The following UNK variants were observed in gnomAD, a reference collection of about 807,000 sequenced individuals.
UNK encodes unk zinc finger, also known as RING finger protein unkempt homolog.
Under a neutral mutation model 97.6 loss-of-function variants are expected in UNK, and 32 were observed. The observed-to-expected ratio is 0.33, with a 90% CI of 0.25 to 0.44. The LOEUF is 0.44. Ranked by LOEUF, UNK falls within the 20% of genes least tolerant of loss-of-function variation. The pLI, the probability that UNK is intolerant of heterozygous loss-of-function variation, is 1.00. For missense variants in UNK, 771 were observed against 1,098.4 expected (o/e 0.70, Z 4.21); for synonymous variants, 441 against 461.2 (o/e 0.96, Z 0.56).
At chr17:75,821,071 G>GTTTTT in intron 13 of UNK, among the ~76,000 whole-genome samples, 1 of 148,202 alleles carries the variant, frequency 6.7e-6, no homozygotes. Flanking sequence ...TTTTCGAGTA[G>GTTTTT]GGTCTCAGTC....
At chr17:75,814,517 GA>G (rs922647757) in intron 6 of UNK, among the ~76,000 whole-genome samples, 1 of 136,780 alleles carries the variant, frequency 7.3e-6, no homozygotes, top group Non-Finnish European at 1.6e-5. Flanking sequence ...AAAAAGGATT[GA>G]AAAAAAGTAA....
intron 1 of UNK, chr17:75,792,566 T>C: frequency 1.2e-6 from 1 of 815,180 alleles, no homozygotes; most frequent in Non-Finnish European, 1.5e-6. Flanking sequence ...TTACTATCCC[T>C]CTGGACAATG....
rs1342519088 is a variant in UNK at position 75,824,113 on chromosome 17, C to T, written c.2278-149C>T. On this transcript the variant is annotated intron_variant, in intron 15 of 15. Coordinates refer to ENST00000589666, the MANE Select transcript of UNK (RefSeq NM_001080419.3). The surrounding 1 kb of genome is among the most constrained non-coding windows in gnomAD (Gnocchi z 4.9). ...CAGAGGTGGACTCAGCCTGCTCTCT[C>T]ACCTGCCAACAGGGGTCTGGGAGCA... 3 of 985,638 alleles carry T rather than the reference C, an allele frequency of 3.0e-6. No homozygotes were observed. Among genetic ancestry groups the T allele is most frequent in the Non-Finnish European group, 4.2e-6 (3 of 713,350 alleles). The allele number at this position is 985,638 out of a possible 1,614,324, so 61.1% of individuals were successfully genotyped here. A position where few individuals can be genotyped will look rare whatever the true frequency, so the allele number is the denominator to read the frequency against.
intron 1 of UNK, among the ~76,000 whole-genome samples, chr17:75,795,209 C>G (rs2061795195): frequency 1.3e-5 from 2 of 152,016 alleles, no homozygotes; most frequent in African/African-American, 4.8e-5. Flanking sequence ...GTACAGAAAA[C>G]AATGTACAAA....
intron 1 of UNK, among the ~76,000 whole-genome samples, chr17:75,799,111 G>A (rs1270832703): frequency 6.6e-6 from 1 of 151,484 alleles, no homozygotes; most frequent in African/African-American, 2.4e-5. Context: ...AGGAGTTTGA[G>A]AGCAGCCTGG....
In UNK at chr17:75,819,443, C is replaced by G; in HGVS notation, c.1547-241C>G. The G allele has an allele frequency of 1.8e-6, 1 of 558,474 alleles. No individual in the cohort carries two copies. The highest frequency in any genetic ancestry group is 3.1e-5 in the East Asian group (1 of 32,662). 34.6% of individuals were successfully genotyped at this position (558,474 alleles called of 1,614,324 possible). Reference sequence around the variant, plus strand: ...GACCCTGGATGGGGATGTGATTTCTCCTGGAAGTATCAAAGAAGATTCAGA... The same window carrying G: ...GACCCTGGATGGGGATGTGATTTCTGCTGGAAGTATCAAAGAAGATTCAGA... On this transcript the variant is annotated intron_variant, in intron 11 of 15. Transcript: ENST00000589666. The surrounding 1 kb of genome is among the most constrained non-coding windows in gnomAD (Gnocchi z 5.4).
intron 2 of UNK, among the ~76,000 whole-genome samples, 166 bp from the exon 3 acceptor site, chr17:75,811,946 G>A (rs371952617): frequency 7.2e-5 from 11 of 152,084 alleles, no homozygotes; most frequent in African/African-American, 2.4e-4. Flanking sequence ...AGATCGCGCC[G>A]CTGCACTCCA....
intron 1 of UNK, among the ~76,000 whole-genome samples, chr17:75,804,872 C>G (rs1478928774): frequency 6.7e-6 from 1 of 150,278 alleles, no homozygotes; most frequent in East Asian, 2.0e-4. Flanking sequence ...CTACAATTGT[C>G]ATCTAAGAGA....
chr17:75,794,313 T>A, intron 1 of UNK: 1 of 425,316 alleles, frequency 2.4e-6, no homozygotes, highest in Non-Finnish European at 3.1e-6. Flanking sequence ...TATTTGCTAC[T>A]ACTGTTGTTT....
chr17:75,811,235 G>A lies in UNK; in HGVS notation c.315-877G>A, dbSNP rs1319550223. Among the ~76,000 whole-genome samples the A allele has an allele frequency of 2.6e-5, 4 of 152,256 alleles. No individual in the cohort carries two copies. The East Asian group carries it at 7.7e-4, about 29-fold the overall frequency. ...CACAAGTGTTGGGATTTACAGGGGTGAGCCACCACGCCTGGCCATGATTTA... is the reference window on the plus strand; with the variant it reads ...CACAAGTGTTGGGATTTACAGGGGTAAGCCACCACGCCTGGCCATGATTTA... On this transcript the variant is annotated intron_variant, in intron 2 of 15. Coordinates refer to ENST00000589666, the MANE Select transcript of UNK (RefSeq NM_001080419.3).
intron 1 of UNK, 98 bp downstream of exon 1, chr17:75,785,082 T>C (rs1599350209): frequency 3.0e-6 from 2 of 657,038 alleles, no homozygotes; most frequent in Non-Finnish European, 2.3e-6. Flanking sequence ...GGCCTCTTCC[T>C]CCCCCCCTTC....
In UNK at chr17:75,817,002, C is replaced by T. The variant is rs1398924430; in HGVS notation, c.1104+90C>T. ...GCCCTTTCAGCCTGGGCTTGGGAGACCATCCTGGTATTTGTCCTCAGGCCA... is the reference window on the plus strand; with the variant it reads ...GCCCTTTCAGCCTGGGCTTGGGAGATCATCCTGGTATTTGTCCTCAGGCCA... On this transcript the variant is annotated intron_variant, in intron 8 of 15. Transcript: ENST00000589666. The surrounding 1 kb of genome is among the most constrained non-coding windows in gnomAD (Gnocchi z 5.8). The T allele has an allele frequency of 5.4e-6, 8 of 1,468,498 alleles. No individual in the cohort carries two copies. The highest frequency in any genetic ancestry group is 7.2e-6 in the Non-Finnish European group (8 of 1,104,930). 91.0% of individuals were successfully genotyped at this position (1,468,498 alleles called of 1,614,324 possible). A position where few individuals can be genotyped will look rare whatever the true frequency, so the allele number is the denominator to read the frequency against.
At chr17:75,808,678 C>T (rs1426644995) in intron 1 of UNK, among the ~76,000 whole-genome samples, 1 of 152,104 alleles carries the variant, frequency 6.6e-6, no homozygotes, top group South Asian at 2.1e-4. Flanking sequence ...GTCTCCAAGC[C>T]TCTGGCACCA....
In UNK at chr17:75,816,934, T is replaced by C; in HGVS notation, c.1104+22T>C. 1.3e-6 allele frequency: 2 copies of C among 1,590,372 alleles called. No individual in the cohort carries two copies. Among genetic ancestry groups the C allele is most frequent in the Non-Finnish European group, 1.7e-6 (2 of 1,173,860 alleles). ...TGCCGTACGTGTCCATCCTGGGGAGTGGGTGGGCACCATGCCTGACAGAGC... is the reference window on the plus strand; with the variant it reads ...TGCCGTACGTGTCCATCCTGGGGAGCGGGTGGGCACCATGCCTGACAGAGC... On this transcript the variant is annotated intron_variant, in intron 8 of 15. Coordinates refer to ENST00000589666, the MANE Select transcript of UNK (RefSeq NM_001080419.3). This position sits in a 1 kb window ranked among gnomAD's most constrained non-coding sequence, Gnocchi z 4.0.
At chr17:75,821,455 TG>T in intron 13 of UNK, 2 of 445,480 alleles carry the variant, frequency 4.5e-6, no homozygotes, top group South Asian at 3.2e-5. Flanking sequence ...GAGAGATGGG[TG>T]GGACAGGAGA....
Position 75,818,874 on chromosome 17 carries a change from C to T in UNK, c.1546+58C>T. 6.8e-7 allele frequency: 1 copy of T among 1,463,204 alleles called. No homozygotes were observed. The highest frequency in any genetic ancestry group is 1.4e-5 in the South Asian group (1 of 70,916). The allele number at this position is 1,463,204 out of a possible 1,614,324, so 90.6% of individuals were successfully genotyped here. ...ACTGGGTCTGGGGTCAGAGACCCCC[C>T]AGTCTCTGAAGCGAGTCTCAAATCA... On this transcript the variant is annotated intron_variant, in intron 11 of 15. Transcript: ENST00000589666. This position sits in a 1 kb window ranked among gnomAD's most constrained non-coding sequence, Gnocchi z 5.1.
At chr17:75,806,469 A>AG (rs1302245986) in intron 1 of UNK, among the ~76,000 whole-genome samples, 2 of 145,158 alleles carry the variant, frequency 1.4e-5, no homozygotes, top group Non-Finnish European at 3.0e-5. Flanking sequence ...TCTCAAAAAA[A>AG]AAAAAGCAAG....
Position 75,818,512 on chromosome 17 carries a change from TG to T in UNK, c.1372-127del. ...GGTGTCGGGTGTGCCGGGGCCCATG[TG>T]GGCATGGGGGCACCCGGACTAGAGC... On this transcript the variant is annotated intron_variant, in intron 10 of 15. Coordinates refer to ENST00000589666, the MANE Select transcript of UNK (RefSeq NM_001080419.3). This position sits in a 1 kb window ranked among gnomAD's most constrained non-coding sequence, Gnocchi z 5.1. 6 of 1,106,180 alleles carry T rather than the reference TG, an allele frequency of 5.4e-6. No individual in the cohort carries two copies. The highest frequency in any genetic ancestry group is 7.5e-6 in the Non-Finnish European group (6 of 795,106). 68.5% of individuals were successfully genotyped at this position (1,106,180 alleles called of 1,614,324 possible).
At chr17:75,812,712 A>T in intron 4 of UNK, 127 bp downstream of exon 4, 1 of 1,373,154 alleles carries the variant, frequency 7.3e-7, no homozygotes. Flanking sequence ...ATCCCACCCT[A>T]CACCCACCAT....
Sources: allele counts gnomAD v4.1 joint callset (sites outside exome capture counted in the v4.1 genomes callset), GRCh38; gene constraint gnomAD v4.1.1; non-coding constraint Gnocchi (gnomAD v3.1); transcripts MANE v1.5; gene names NCBI Gene and HGNC (gene_info 2026-07-23, HGNC 2026-07-21).